The following PARG variants were observed in gnomAD, a reference collection of about 807,000 sequenced individuals.
PARG encodes poly(ADP-ribose) glycohydrolase, also known as mitochondrial poly(ADP-ribose) glycohydrolase.
PARG carries 35 observed loss-of-function variants against 113.0 expected under a neutral mutation model. The observed-to-expected ratio is 0.31, with a 90% CI of 0.24 to 0.41. The LOEUF is 0.41. PARG is among the 10% of genes least tolerant of loss of function. PARG has a pLI of 1.00. For missense variants in PARG, 797 were observed against 1,169.4 expected, an observed-to-expected ratio of 0.68 and a Z score of 4.64; for synonymous variants, 330 against 409.9, an observed-to-expected ratio of 0.81 and a Z score of 2.36.
At chr10:49,824,797 T>A (rs1296229300) in intron 16 of PARG, among the ~76,000 whole-genome samples, 1 of 152,060 alleles carries the variant, frequency 6.6e-6, no homozygotes, top group Admixed American at 6.6e-5. Context: ...ATAAAGAAAT[T>A]TAGGCATCAA....
chr10:49,905,950 T>C (rs566996414), intron 7 of PARG, among the ~76,000 whole-genome samples: 26 of 151,208 alleles, frequency 1.7e-4, no homozygotes, highest in African/African-American at 6.3e-4. Flanking sequence ...TAGTAAATGG[T>C]TCATCAACAT....
At chr10:49,890,113 T>C (rs1379706209) in intron 7 of PARG, among the ~76,000 whole-genome samples, 1 of 152,206 alleles carries the variant, frequency 6.6e-6, no homozygotes, top group Admixed American at 6.5e-5. Context: ...TTACTTATTA[T>C]GATGATAATG....
Position 49,855,097 on chromosome 10 carries a change from T to G in PARG, c.2353+2209A>C, listed in dbSNP as rs1230842311. Among the ~76,000 whole-genome samples, 11 of 150,616 alleles carry G rather than the reference T, an allele frequency of 7.3e-5. No individual in the cohort carries two copies. In the East Asian group the frequency reaches 1.6e-3, roughly 21 times the overall value. On this transcript the variant is annotated intron_variant, in intron 13 of 17. Coordinates refer to ENST00000616448, the MANE Select transcript of PARG (RefSeq NM_003631.5). ...ATATACTGAAACAACTAAAGAAAAC[T>G]ATGTCTAAAAAACTAAAGTATAAGA... is the stretch of plus-strand genomic sequence containing the variant.
chr10:49,915,831 A>G (rs184539184), intron 7 of PARG, 86 bp downstream of exon 7: 2,190 of 708,736 alleles, frequency 3.1e-3, no homozygotes, highest in East Asian at 0.012. Flanking sequence ...TAATTATCTT[A>G]GTGTGGCAGA....
intron 16 of PARG, among the ~76,000 whole-genome samples, chr10:49,825,697 T>TAAGA (rs1325451173): frequency 1.3e-5 from 2 of 152,190 alleles, no homozygotes; most frequent in Non-Finnish European, 2.9e-5. Context: ...GCTGCTCTCT[T>TAAGA]GGGACAGGTT....
intron 15 of PARG, 77 bp downstream of exon 15, chr10:49,841,873 G>A: frequency 1.1e-6 from 1 of 888,406 alleles, no homozygotes; most frequent in Non-Finnish European, 1.8e-6. Context: ...TTACCAGAAA[G>A]CATTAATTTC....
At chr10:49,868,089 G>C (rs1554837239) in intron 10 of PARG, among the ~76,000 whole-genome samples, 1 of 152,172 alleles carries the variant, frequency 6.6e-6, no homozygotes, top group Non-Finnish European at 1.5e-5. Flanking sequence ...CTGGGTTCAA[G>C]TGATTCTTGT....
At chr10:49,939,050 GGACT>G (rs1466865717) in intron 1 of PARG, among the ~76,000 whole-genome samples, 5 of 151,970 alleles carry the variant, frequency 3.3e-5, no homozygotes, top group Admixed American at 3.3e-4. Context: ...CAACCAGTGA[GGACT>G]GACTGCCCTC....
Position 49,837,353 on chromosome 10 carries a change from GT to G in PARG, c.2542-4446del, listed in dbSNP as rs1168244289. 5.5e-3 allele frequency among the ~76,000 whole-genome samples: 805 copies of G among 145,192 alleles called. 3 individuals are homozygous for G. The highest frequency in any genetic ancestry group is 0.011 in the African/African-American group (457 of 39,748). ...TACTTTTTCGCGTAGAAAAATGTGG[GT>G]TTTTTTTTTTTCTTTTCCTCCTTTC... On this transcript the variant is annotated intron_variant, in intron 15 of 17. Coordinates refer to ENST00000616448, the MANE Select transcript of PARG (RefSeq NM_003631.5).
chr10:49,828,108 A>AAAAAAAAAAAAAAAAAAAC, intron 16 of PARG, among the ~76,000 whole-genome samples: 1 of 147,604 alleles, frequency 6.8e-6, no homozygotes, highest in African/African-American at 2.5e-5. Context: ...AAAAAAAAAA[A>AAAAAAAAAAAAAAAAAAAC]AAAAAAAAAA....
intron 9 of PARG, among the ~76,000 whole-genome samples, chr10:49,878,970 A>G (rs1260655728): frequency 1.1e-4 from 17 of 152,192 alleles, no homozygotes; most frequent in African/African-American, 3.1e-4. Context: ...GGAAGAAAAA[A>G]CATTAGTTTG....
chr10:49,881,458 T>A (rs1847210471), intron 8 of PARG, among the ~76,000 whole-genome samples: 1 of 152,164 alleles, frequency 6.6e-6, no homozygotes, highest in Non-Finnish European at 1.5e-5. Flanking sequence ...AGCTGTTAAG[T>A]TTCAAAATGC....
intron 5 of PARG, 33 bp from the exon 6 acceptor site, chr10:49,922,452 T>C: frequency 1.9e-6 from 3 of 1,609,834 alleles, no homozygotes; most frequent in Non-Finnish European, 2.5e-6. Flanking sequence ...ATGAGGAAGC[T>C]ATTCTAAGTT....
At chr10:49,903,604 T>C (rs1848440334) in intron 7 of PARG, among the ~76,000 whole-genome samples, 1 of 152,214 alleles carries the variant, frequency 6.6e-6, no homozygotes, top group Non-Finnish European at 1.5e-5. Flanking sequence ...TACATGGAGT[T>C]GTGCACAGGT....
intron 16 of PARG, among the ~76,000 whole-genome samples, chr10:49,822,055 A>T (rs1844117413): frequency 6.6e-6 from 1 of 152,228 alleles, no homozygotes; most frequent in Non-Finnish European, 1.5e-5. Context: ...GAATTGTATT[A>T]GAGGAATGAG....
At chr10:49,864,198 GTTCCTTTCAGAT>G (rs1554836408) in intron 11 of PARG, among the ~76,000 whole-genome samples, 1 of 152,090 alleles carries the variant, frequency 6.6e-6, no homozygotes, top group African/African-American at 2.4e-5. Context: ...GGCGGCCGGG[GTTCCTTTCAGAT>G]CTAACATGCC....
intron 4 of PARG, among the ~76,000 whole-genome samples, chr10:49,931,892 GATA>G (rs1838503751): frequency 6.6e-6 from 1 of 152,224 alleles, no homozygotes; most frequent in South Asian, 2.1e-4. Context: ...ACCATCAGCT[GATA>G]ATGATTGCTA....
At chr10:49,906,270 A>C (rs1483984474) in intron 7 of PARG, among the ~76,000 whole-genome samples, 1 of 151,258 alleles carries the variant, frequency 6.6e-6, no homozygotes, top group African/African-American at 2.4e-5. Context: ...GGCTTGAGCC[A>C]CATGTCCAGC....
At chr10:49,835,593 C>T (rs1230909079) in intron 15 of PARG, among the ~76,000 whole-genome samples, 1 of 151,456 alleles carries the variant, frequency 6.6e-6, no homozygotes, top group Non-Finnish European at 1.5e-5. Context: ...AAACTAGAGA[C>T]CAACCAGGAC....
Sources: allele counts gnomAD v4.1 joint callset (sites outside exome capture counted in the v4.1 genomes callset), GRCh38; gene constraint gnomAD v4.1.1; transcripts MANE v1.5; gene names NCBI Gene and HGNC (gene_info 2026-07-23, HGNC 2026-07-21).